The following CSMD1 variants were observed in gnomAD, a reference collection of about 807,000 sequenced individuals.
CSMD1 encodes CUB and sushi domain-containing protein 1.
Under a neutral mutation model 417.5 loss-of-function variants are expected in CSMD1, and 213 were observed. That is an observed-to-expected ratio of 0.51 (90% confidence interval 0.46 to 0.57). The LOEUF is 0.57. Among genes scored for constraint, CSMD1 ranks in the 20% least tolerant of loss-of-function variants. CSMD1 has a pLI of 0.00. For missense variants in CSMD1, 6,923 were observed against 4,529.7 expected (o/e 1.53, Z -15.17); for synonymous variants, 2,862 against 1,736.8 (o/e 1.65, Z -16.11).
At chr8:2,989,678 T>A (rs1806210681) in intron 54 of CSMD1, among the ~76,000 whole-genome samples, 1 of 152,202 alleles carries the variant, frequency 6.6e-6, no homozygotes, top group African/African-American at 2.4e-5. Flanking sequence ...GAATGATGAA[T>A]AAATATGAGG....
chr8:4,259,084 G>C (rs973660710), intron 3 of CSMD1, among the ~76,000 whole-genome samples: 2 of 152,130 alleles, frequency 1.3e-5, no homozygotes, highest in African/African-American at 4.8e-5. Flanking sequence ...TGATGATTTT[G>C]ATGTAGCATT....
rs1803358946 is a variant in CSMD1, at chr8:4,520,113, A to T, written c.303-100048T>A. On this transcript the variant is annotated intron_variant, in intron 2 of 69. Transcript: ENST00000635120. ...ATTTAGTCATGATGTTCTGGTTTTT[A>T]TTTATACATTCATCTGAAAGAGCAA... Among the ~76,000 whole-genome samples the T allele has an allele frequency of 2.0e-5, 3 of 152,128 alleles. No individual in the cohort carries two copies. In the South Asian group the frequency reaches 6.2e-4, roughly 31 times the overall value.
chr8:4,441,037 CTAT>C (rs1332446294), intron 2 of CSMD1, among the ~76,000 whole-genome samples: 3 of 135,730 alleles, frequency 2.2e-5, no homozygotes, highest in South Asian at 2.4e-4. Context: ...ATATATACAT[CTAT>C]TATCATTTTA....
chr8:3,668,301 G>A (rs551769121), intron 7 of CSMD1, among the ~76,000 whole-genome samples: 5 of 152,302 alleles, frequency 3.3e-5, no homozygotes, highest in African/African-American at 1.2e-4. Context: ...AAGATATGAA[G>A]TGAGAGGATT....
intron 4 of CSMD1, among the ~76,000 whole-genome samples, chr8:4,029,682 C>T (rs535448928): frequency 2.1e-4 from 32 of 152,256 alleles, no homozygotes; most frequent in African/African-American, 7.5e-4. Flanking sequence ...CATGTCCTCA[C>T]ATTTCAAAAC....
At chr8:4,077,621 G>T (rs1487819772) in intron 3 of CSMD1, among the ~76,000 whole-genome samples, 4 of 151,906 alleles carry the variant, frequency 2.6e-5, no homozygotes, top group African/African-American at 9.7e-5. Flanking sequence ...GGTCATTCAA[G>T]GTCAGTAGAT....
At chr8:3,163,488 G>A (rs536982890) in intron 37 of CSMD1, among the ~76,000 whole-genome samples, 44 of 152,038 alleles carry the variant, frequency 2.9e-4, no homozygotes, top group Middle Eastern at 3.4e-3. Flanking sequence ...GGCACAGAGA[G>A]GACGCAGCTG....
rs546155990 is a variant in CSMD1 at position 3,627,436 on chromosome 8, A to T, written c.1010-10639T>A. On this transcript the variant is annotated intron_variant, in intron 7 of 69. Transcript: ENST00000635120. The stretch of plus-strand genomic sequence containing the variant: ...CTCGAGTCCTGAAATCACAGACATT[A>T]ACATGCACTGAGAAGACTATGTAGG... Among the ~76,000 whole-genome samples the T allele has an allele frequency of 1.6e-3, 240 of 152,326 alleles. 1 individual carries two copies. The highest frequency in any genetic ancestry group is 2.8e-3 in the Non-Finnish European group (188 of 68,020).
intron 6 of CSMD1, among the ~76,000 whole-genome samples, chr8:3,739,498 A>G (rs529576071): frequency 1.3e-5 from 2 of 152,334 alleles, no homozygotes; most frequent in South Asian, 2.1e-4. Flanking sequence ...GTTTCAAAAT[A>G]TCTCTCTGTA....
chr8:3,671,246 G>T (rs894431744), intron 7 of CSMD1, among the ~76,000 whole-genome samples: 1 of 137,592 alleles, frequency 7.3e-6, no homozygotes. Context: ...TATATGTGTG[G>T]GATATATATA....
chr8:4,235,732 C>G (rs1218655245), intron 3 of CSMD1, among the ~76,000 whole-genome samples: 3 of 152,156 alleles, frequency 2.0e-5, no homozygotes, highest in African/African-American at 7.2e-5. Flanking sequence ...TTCTCACATG[C>G]AAGTGTAATG....
At chr8:4,938,194 G>C (rs1038162325) in intron 1 of CSMD1, among the ~76,000 whole-genome samples, 1 of 152,124 alleles carries the variant, frequency 6.6e-6, no homozygotes, top group African/African-American at 2.4e-5. Flanking sequence ...CAGAACTGTT[G>C]ACTTTGAGCT....
chr8:4,568,267 T>A (rs1407477246), intron 2 of CSMD1, among the ~76,000 whole-genome samples: 1 of 152,098 alleles, frequency 6.6e-6, no homozygotes, highest in Non-Finnish European at 1.5e-5. Flanking sequence ...CCTAATGCTA[T>A]GCTATCCCTC....
chr8:4,061,744 G>A (rs1585230372), intron 3 of CSMD1, among the ~76,000 whole-genome samples: 1 of 152,116 alleles, frequency 6.6e-6, no homozygotes, highest in African/African-American at 2.4e-5. Flanking sequence ...TCTAATGAGT[G>A]AGTCACCTCT....
At chr8:4,122,160 G>A (rs769244031) in intron 3 of CSMD1, among the ~76,000 whole-genome samples, 12 of 151,986 alleles carry the variant, frequency 7.9e-5, no homozygotes, top group Non-Finnish European at 1.6e-4. Context: ...TTATTTTCCT[G>A]ACAGACTTGA....
At chr8:3,939,311 T>TA (rs1447030729) in intron 5 of CSMD1, among the ~76,000 whole-genome samples, 14 of 152,286 alleles carry the variant, frequency 9.2e-5, no homozygotes, top group Middle Eastern at 3.4e-3. Context: ...CGCAATGAGA[T>TA]ACCACCTTAC....
chr8:4,069,342 C>A (rs149929420), intron 3 of CSMD1, among the ~76,000 whole-genome samples: 1 of 152,180 alleles, frequency 6.6e-6, no homozygotes, highest in Non-Finnish European at 1.5e-5. Context: ...CAACTCTTAT[C>A]TACAGGTAGT....
intron 31 of CSMD1, among the ~76,000 whole-genome samples, chr8:3,203,181 T>C (rs892011325): frequency 6.6e-6 from 1 of 152,214 alleles, no homozygotes; most frequent in African/African-American, 2.4e-5. Context: ...AGGACTATCA[T>C]GCTCTAACGT....
chr8:4,217,177 C>A (rs906756985), intron 3 of CSMD1, among the ~76,000 whole-genome samples: 4 of 152,144 alleles, frequency 2.6e-5, no homozygotes, highest in African/African-American at 9.7e-5. Context: ...ACTTTTCATG[C>A]CGCTGCTTAT....
Sources: gnomAD v4.1 joint callset for allele counts (sites outside exome capture counted in the v4.1 genomes callset) on GRCh38, gnomAD v4.1.1 for gene constraint, MANE v1.5 for transcripts, NCBI Gene and HGNC (gene_info 2026-07-23, HGNC 2026-07-21) for gene names.